Variants in COLGALT2 observed in about 807,000 individuals in gnomAD.
The protein encoded by COLGALT2 is procollagen galactosyltransferase 2.
COLGALT2 carries 49 observed loss-of-function variants against 73.4 expected under a neutral mutation model. The ratio of observed to expected loss-of-function variants is 0.67; its 90% CI spans 0.53 to 0.85. The LOEUF (loss-of-function observed/expected upper bound fraction) is 0.85, where lower values mean the gene tolerates loss of function less well. Ranked by LOEUF, COLGALT2 falls within the 40% of genes least tolerant of loss-of-function variation. The pLI is 0.00. For missense variants in COLGALT2, 722 were observed against 790.2 expected (o/e 0.91, Z 1.03); for synonymous variants, 295 against 307.6 (o/e 0.96, Z 0.43).
chr1:183,949,503 T>C (rs1488798549), intron 8 of COLGALT2, among the ~76,000 whole-genome samples: 1 of 152,112 alleles, frequency 6.6e-6, no homozygotes, highest in Non-Finnish European at 1.5e-5. Flanking sequence ...TAACAAATGG[T>C]GAAGGGACAA....
chr1:184,017,011 T>C (rs1572679679), intron 1 of COLGALT2, among the ~76,000 whole-genome samples: 1 of 152,214 alleles, frequency 6.6e-6, no homozygotes, highest in East Asian at 1.9e-4. Flanking sequence ...TTTCACTGTG[T>C]TGATGACAGT....
chr1:184,012,114 A>G (rs1215088890), intron 1 of COLGALT2, among the ~76,000 whole-genome samples: 1 of 152,150 alleles, frequency 6.6e-6, no homozygotes, highest in Admixed American at 6.5e-5. Context: ...TTTTCCCACA[A>G]TCTCTCATGC....
chr1:183,941,621 C>T (rs1670112323), intron 10 of COLGALT2, among the ~76,000 whole-genome samples: 1 of 152,216 alleles, frequency 6.6e-6, no homozygotes, highest in South Asian at 2.1e-4. Context: ...CTATTTTGCC[C>T]TAAAACAATC....
chr1:183,999,576 T>C (rs1406667706), intron 1 of COLGALT2, among the ~76,000 whole-genome samples: 1 of 152,086 alleles, frequency 6.6e-6, no homozygotes, highest in Non-Finnish European at 1.5e-5. Context: ...TATAAAATCT[T>C]CTGGGCCTAA....
intron 1 of COLGALT2, among the ~76,000 whole-genome samples, chr1:184,006,354 G>A (rs552214707): frequency 1.3e-3 from 196 of 152,304 alleles, no homozygotes; most frequent in Non-Finnish European, 2.1e-3. Flanking sequence ...GGAGGCCGAG[G>A]TGGGCGGATC....
At chr1:183,951,258 A>G (rs1363197702) in intron 7 of COLGALT2, 145 bp from the exon 8 acceptor site, 1 of 626,510 alleles carries the variant, frequency 1.6e-6, no homozygotes, top group East Asian at 2.6e-5. Context: ...TCTATCTCAC[A>G]TCAGTGTTTA....
intron 6 of COLGALT2, among the ~76,000 whole-genome samples, chr1:183,960,787 C>T (rs1352824041): frequency 1.3e-5 from 2 of 152,070 alleles, no homozygotes; most frequent in East Asian, 3.9e-4. Flanking sequence ...AGCTCATCAG[C>T]TATTGTTGTG....
At chr1:183,953,657 T>C (rs1219370728) in intron 7 of COLGALT2, among the ~76,000 whole-genome samples, 1 of 152,212 alleles carries the variant, frequency 6.6e-6, no homozygotes, top group Non-Finnish European at 1.5e-5. Context: ...AAAAACTATT[T>C]GCAAATGAGT....
At position 183,945,553 on chromosome 1, in the gene COLGALT2, G is replaced by A. The variant is rs1235834675; in HGVS notation, c.1148C>T (p.Thr383Ile). ...VEAVDGKALN[T>I]SQLKALNIEM... is the part of the protein sequence containing the mutation. ...AATATTCAGTGCCTTCAGCTGGCTT[G>A]TGTTGAGTGCCCTGCATCACATAAA... Residue 383 changes from threonine to isoleucine, a missense_variant, in exon 9 of 12, where the codon ACA (threonine) becomes ATA (isoleucine). Coordinates refer to ENST00000361927, the MANE Select transcript of COLGALT2 (RefSeq NM_015101.4). The A allele has an allele frequency of 6.2e-7, 1 of 1,614,060 alleles. No individual in the cohort carries two copies. Among genetic ancestry groups the A allele is most frequent in the African/African-American group, 1.3e-5 (1 of 74,910 alleles).
At chr1:183,971,613 A>T (rs555762288) in intron 4 of COLGALT2, among the ~76,000 whole-genome samples, 2 of 152,232 alleles carry the variant, frequency 1.3e-5, no homozygotes, top group South Asian at 4.1e-4. Context: ...AAATATGAAC[A>T]TATTACCTTC....
In COLGALT2 at chr1:183,937,737, A is replaced by C. The variant is rs1669996162; in HGVS notation, c.*1024T>G. On this transcript the variant is annotated 3_prime_UTR_variant, in exon 12 of 12. Coordinates refer to ENST00000361927, the MANE Select transcript of COLGALT2 (RefSeq NM_015101.4). Reference sequence around the variant, plus strand: ...TCTGTTTCTCTGCCTTATCCTAAAGACAATATCTTCGCCCATTTTGTAAAA... The same window carrying C: ...TCTGTTTCTCTGCCTTATCCTAAAGCCAATATCTTCGCCCATTTTGTAAAA... The C allele has an allele frequency of 1.5e-5, 15 of 985,370 alleles. No individual in the cohort carries two copies. Among genetic ancestry groups the C allele is most frequent in the Non-Finnish European group, 1.8e-5 (15 of 829,890 alleles). The allele number at this position is 985,370 out of a possible 1,614,324, so 61.0% of individuals were successfully genotyped here.
Position 183,947,369 on chromosome 1 carries a change from T to A in COLGALT2, c.1137-1805A>T, listed in dbSNP as rs532879415. Among the ~76,000 whole-genome samples the A allele has an allele frequency of 6.9e-4, 105 of 152,312 alleles. 3 individuals are homozygous for A. In the South Asian group the frequency reaches 0.02, roughly 28 times the overall value. ...CATAAAGACCATATAGGTCATAAAT[T>A]AAGTGTCAGTATACTTAAAAGGATT... is the stretch of plus-strand genomic sequence containing the variant. On this transcript the variant is annotated intron_variant, in intron 8 of 11. Transcript: ENST00000361927.
chr1:183,942,034 C>T lies in COLGALT2; in HGVS notation c.1398-1247G>A, dbSNP rs144551639. Among the ~76,000 whole-genome samples, 1,473 of 151,696 alleles carry T rather than the reference C, an allele frequency of 9.7e-3. 23 individuals carry two copies. The highest frequency in any genetic ancestry group is 0.024 in the African/African-American group (1,000 of 41,320). On this transcript the variant is annotated intron_variant, in intron 10 of 11. Transcript: ENST00000361927. ...TGCAATCTGAGCTCACTGTAAGCTC[C>T]GCCTCCTGGGTTCATGCCAGTCTCC...
rs1670008005 is a variant in COLGALT2 at position 183,938,126 on chromosome 1, T to TG, written c.*634dup. 1.0e-6 allele frequency: 1 copy of TG among 985,570 alleles called. No individual in the cohort carries two copies. The highest frequency in any genetic ancestry group is 1.2e-6 in the Non-Finnish European group (1 of 830,238). 61.1% of individuals were successfully genotyped at this position (985,570 alleles called of 1,614,324 possible). A position where few individuals can be genotyped will look rare whatever the true frequency, so the allele number is the denominator to read the frequency against. Reference sequence around the variant, plus strand: ...GTCACCTCTATATGAGAACTCCAACTGCCATGATGGTCACAGGCCAAGTCT... The same window carrying TG: ...GTCACCTCTATATGAGAACTCCAACTGGCCATGATGGTCACAGGCCAAGTCT... On this transcript the variant is annotated 3_prime_UTR_variant, in exon 12 of 12. Transcript: ENST00000361927.
At chr1:184,015,769 C>G (rs1262126813) in intron 1 of COLGALT2, among the ~76,000 whole-genome samples, 1 of 152,104 alleles carries the variant, frequency 6.6e-6, no homozygotes, top group Non-Finnish European at 1.5e-5. Context: ...AGATGACAAG[C>G]CAGGGAGTTC....
chr1:183,978,555 G>T, intron 1 of COLGALT2, 35 bp from the exon 2 acceptor site: 1 of 1,291,530 alleles, frequency 7.7e-7, no homozygotes, highest in Non-Finnish European at 1.1e-6. Context: ...GTTTAACTAT[G>T]TCATCCAATG....
chr1:184,021,768 T>C (rs1008994918), intron 1 of COLGALT2, among the ~76,000 whole-genome samples: 22 of 152,250 alleles, frequency 1.4e-4, no homozygotes, highest in African/African-American at 4.8e-4. Flanking sequence ...GGTTTTGTTT[T>C]ACTATCTATT....
At chr1:184,024,805 A>G (rs1291601837) in intron 1 of COLGALT2, among the ~76,000 whole-genome samples, 1 of 152,126 alleles carries the variant, frequency 6.6e-6, no homozygotes, top group Admixed American at 6.5e-5. Context: ...TGGCTTCTAC[A>G]TATCCAACAT....
At chr1:183,977,804 AAGAGAGAAAGAG>A (rs1213812102) in intron 2 of COLGALT2, among the ~76,000 whole-genome samples, 4 of 124,912 alleles carry the variant, frequency 3.2e-5, no homozygotes, top group African/African-American at 6.8e-5. Context: ...GAAAGAAGGA[AAGAGAGAAAGAG>A]AGAGAGAGAG....
Sources: allele counts gnomAD v4.1 joint callset (sites outside exome capture counted in the v4.1 genomes callset), GRCh38; gene constraint gnomAD v4.1.1; transcripts MANE v1.5; gene names NCBI Gene and HGNC (gene_info 2026-07-23, HGNC 2026-07-21).